Variants in GRM5 observed in about 807,000 individuals in gnomAD.
The protein encoded by GRM5 is metabotropic glutamate receptor 5.
GRM5 carries 19 observed loss-of-function variants against 83.1 expected under a neutral mutation model. The observed-to-expected ratio is 0.23, with a 90% CI of 0.16 to 0.34. The LOEUF is 0.34. GRM5 is among the 10% of genes least tolerant of loss of function. GRM5 has a pLI of 1.00. For missense variants in GRM5, 1,160 were observed against 1,588.3 expected (o/e 0.73, Z 4.58); for synonymous variants, 675 against 633.6 (o/e 1.07, Z -0.98).
intron 2 of GRM5, among the ~76,000 whole-genome samples, chr11:88,893,138 T>C (rs1435583960): frequency 6.8e-6 from 1 of 146,046 alleles, no homozygotes; most frequent in East Asian, 2.0e-4. Context: ...GGGATAATAG[T>C]CACCAAAAAA....
chr11:88,561,048 G>T (rs1942742630), intron 8 of GRM5, among the ~76,000 whole-genome samples: 1 of 152,244 alleles, frequency 6.6e-6, no homozygotes, highest in East Asian at 1.9e-4. Context: ...AGAAGGAAAA[G>T]GTGGAGGACT....
At chr11:89,064,882 CTCTCTCTGTGTGTG>C (rs1298723519) in intron 1 of GRM5, among the ~76,000 whole-genome samples, 3 of 61,316 alleles carry the variant, frequency 4.9e-5, no homozygotes, top group Non-Finnish European at 7.1e-5. Flanking sequence ...CTCTCTCTCT[CTCTCTCTGTGTGTG>C]TGTGTGTGTG....
At chr11:88,664,834 T>G (rs931504909) in intron 3 of GRM5, among the ~76,000 whole-genome samples, 1 of 152,172 alleles carries the variant, frequency 6.6e-6, no homozygotes, top group African/African-American at 2.4e-5. Context: ...TATATGATAA[T>G]GATTTGAGCT....
chr11:88,947,627 A>C (rs1938324918), intron 2 of GRM5, among the ~76,000 whole-genome samples: 1 of 152,038 alleles, frequency 6.6e-6, no homozygotes, highest in Non-Finnish European at 1.5e-5. Flanking sequence ...ATATTTGCTA[A>C]CTACCCACTT....
chr11:88,718,372 G>A (rs6483395), intron 3 of GRM5, among the ~76,000 whole-genome samples: 150,234 of 151,960 alleles, frequency 0.99, 74,281 homozygotes, highest in East Asian at 1. Context: ...TCTTTCACCT[G>A]TTCCTCCCTC....
chr11:88,979,010 A>T (rs1939437056), intron 2 of GRM5, among the ~76,000 whole-genome samples: 1 of 152,216 alleles, frequency 6.6e-6, no homozygotes, highest in South Asian at 2.1e-4. Context: ...ACCGTCTTTA[A>T]AACAGACCTA....
intron 3 of GRM5, among the ~76,000 whole-genome samples, chr11:88,816,699 A>T (rs1943693800): frequency 6.7e-6 from 1 of 148,966 alleles, no homozygotes; most frequent in African/African-American, 2.5e-5. Flanking sequence ...AAAGCTAGTT[A>T]TTTGAGAAAA....
intron 2 of GRM5, among the ~76,000 whole-genome samples, chr11:88,855,110 C>G (rs1423632424): frequency 6.6e-6 from 1 of 151,710 alleles, no homozygotes; most frequent in African/African-American, 2.4e-5. Context: ...GAATCAAAAC[C>G]AAACTATTAT....
chr11:88,663,726 C>T (rs1207328224), intron 3 of GRM5, among the ~76,000 whole-genome samples: 1 of 152,084 alleles, frequency 6.6e-6, no homozygotes, highest in Non-Finnish European at 1.5e-5. Flanking sequence ...CATGACTGTG[C>T]TGGGATAACA....
intron 3 of GRM5, among the ~76,000 whole-genome samples, chr11:88,706,128 G>A (rs1941150962): frequency 6.6e-6 from 1 of 152,006 alleles, no homozygotes; most frequent in Admixed American, 6.6e-5. Flanking sequence ...TTCTTGATGA[G>A]TATGTGTTAA....
intron 4 of GRM5, among the ~76,000 whole-genome samples, chr11:88,618,207 TA>T (rs888662561): frequency 3.1e-4 from 47 of 151,870 alleles, no homozygotes; most frequent in Middle Eastern, 3.4e-3. Flanking sequence ...TGCCTATACT[TA>T]AAAAAAAATC....
At chr11:88,967,195 ATGTGTG>A (rs200009930) in intron 2 of GRM5, among the ~76,000 whole-genome samples, 2 of 145,990 alleles carry the variant, frequency 1.4e-5, no homozygotes, top group African/African-American at 2.6e-5. Flanking sequence ...AAGAAGATAT[ATGTGTG>A]TGTGTGTGTG....
At chr11:88,681,196 AAAG>A (rs1182683226) in intron 3 of GRM5, among the ~76,000 whole-genome samples, 1 of 152,124 alleles carries the variant, frequency 6.6e-6, no homozygotes, top group Non-Finnish European at 1.5e-5. Context: ...CTTTTTTTAA[AAAG>A]AAGTCTTAAT....
intron 2 of GRM5, among the ~76,000 whole-genome samples, chr11:88,971,026 T>G (rs1326166284): frequency 1.3e-5 from 2 of 152,092 alleles, no homozygotes; most frequent in African/African-American, 4.8e-5. Context: ...GCTGTCATGG[T>G]GAGGAGTTTG....
chr11:89,028,778 T>A (rs1283301962), intron 2 of GRM5, among the ~76,000 whole-genome samples: 1 of 152,154 alleles, frequency 6.6e-6, no homozygotes, highest in African/African-American at 2.4e-5. Context: ...AAAATTAAAT[T>A]AACCTTTTCT....
chr11:88,652,254 T>G (rs539774463), intron 4 of GRM5, among the ~76,000 whole-genome samples: 10 of 152,192 alleles, frequency 6.6e-5, no homozygotes, highest in African/African-American at 2.4e-4. Context: ...GCATATGGGT[T>G]TCTTATAACA....
At position 88,595,598 on chromosome 11, in the gene GRM5, T is replaced by G. The variant is rs79394026; in HGVS notation, c.1563+1586A>C. Among the ~76,000 whole-genome samples, 1,513 of 152,360 alleles carry G rather than the reference T, an allele frequency of 9.9e-3. 20 individuals are homozygous for G. The highest frequency in any genetic ancestry group is 0.074 in the East Asian group (384 of 5,190). On this transcript the variant is annotated intron_variant, in intron 6 of 9. Coordinates refer to ENST00000305447, the MANE Select transcript of GRM5 (RefSeq NM_001143831.3). The stretch of plus-strand genomic sequence containing the variant: ...CAGGATTTCATTCTTTGTTATGGTT[T>G]AATAGTATTCTATTATGTAGATAAA...
chr11:88,656,480 A>G (rs1372904480), intron 3 of GRM5, among the ~76,000 whole-genome samples: 1 of 152,174 alleles, frequency 6.6e-6, no homozygotes, highest in Non-Finnish European at 1.5e-5. Context: ...AGTGGTACAC[A>G]TTTGAGACTA....
chr11:88,614,519 G>C (rs1938416405), intron 4 of GRM5, among the ~76,000 whole-genome samples: 1 of 151,968 alleles, frequency 6.6e-6, no homozygotes, highest in Non-Finnish European at 1.5e-5. Context: ...TTTTTTTTCT[G>C]ATTTTGATTT....
Sources: gnomAD v4.1 joint callset for allele counts (sites outside exome capture counted in the v4.1 genomes callset) on GRCh38, gnomAD v4.1.1 for gene constraint, MANE v1.5 for transcripts, NCBI Gene and HGNC (gene_info 2026-07-23, HGNC 2026-07-21) for gene names.